Variants in CHST15 observed in about 807,000 individuals in gnomAD.
CHST15 encodes carbohydrate sulfotransferase 15.
Under a neutral mutation model 53.6 loss-of-function variants are expected in CHST15, and 30 were observed. The ratio of observed to expected loss-of-function variants is 0.56; its 90% CI spans 0.42 to 0.76. The LOEUF is 0.76. Ranked by LOEUF, CHST15 falls within the 30% of genes least tolerant of loss-of-function variation. The pLI, the probability that CHST15 is intolerant of heterozygous loss-of-function variation, is 0.00. For missense variants in CHST15, 627 were observed against 740.5 expected (o/e 0.85, Z 1.78); for synonymous variants, 296 against 289.8 (o/e 1.02, Z -0.22).
rs1946928588 is a variant in CHST15 at position 124,024,734 on chromosome 10, G to C, written c.1191-3322C>G. 6.6e-6 allele frequency among the ~76,000 whole-genome samples: 1 copy of C among 152,216 alleles called. No individual in the cohort carries two copies. ...ATGGTTACTATGACCTAAATGGCTGGTCAATAAGTGCCAAAATCAGACACG... is the reference window on the plus strand; with the variant it reads ...ATGGTTACTATGACCTAAATGGCTGCTCAATAAGTGCCAAAATCAGACACG... On this transcript the variant is annotated intron_variant, in intron 5 of 7. Transcript: ENST00000435907. The surrounding 1 kb of genome is among the most constrained non-coding windows in gnomAD (Gnocchi z 4.0).
chr10:124,055,395 G>A (rs1271095716), intron 1 of CHST15, among the ~76,000 whole-genome samples: 8 of 152,058 alleles, frequency 5.3e-5, no homozygotes, highest in Non-Finnish European at 1.0e-4. Context: ...CCTGCCTCTC[G>A]GTAAATGACC....
At chr10:124,053,653 C>T (rs745960397) in intron 1 of CHST15, among the ~76,000 whole-genome samples, 7 of 151,932 alleles carry the variant, frequency 4.6e-5, no homozygotes, top group Non-Finnish European at 7.4e-5. Context: ...GGAGGCTGGG[C>T]GCAGTGGCTC....
intron 5 of CHST15, among the ~76,000 whole-genome samples, chr10:124,038,108 A>ATTTT (rs202094516): frequency 7.6e-6 from 1 of 132,316 alleles, no homozygotes; most frequent in Non-Finnish European, 1.6e-5. Context: ...TTTTTATTTT[A>ATTTT]TTTTATTTTT....
chr10:124,048,985 G>A (rs1454320373), intron 1 of CHST15, among the ~76,000 whole-genome samples: 1 of 152,118 alleles, frequency 6.6e-6, no homozygotes, highest in Non-Finnish European at 1.5e-5. Flanking sequence ...CGGGGCAGCT[G>A]CCCCCACCAA....
chr10:124,044,084 G>GCGGCACAGAGCAGGGAA (rs1433919404), intron 3 of CHST15, among the ~76,000 whole-genome samples: 4 of 143,090 alleles, frequency 2.8e-5, no homozygotes, highest in Non-Finnish European at 4.5e-5. Context: ...AGAGCAGGGA[G>GCGGCACAGAGCAGGGAA]CGGCACAGAG....
At position 124,009,887 on chromosome 10, in the gene CHST15, A is replaced by G; in HGVS notation, c.*262T>C. On this transcript the variant is annotated 3_prime_UTR_variant, in exon 8 of 8. Transcript: ENST00000435907. ...CCAGCTGGCTGCATCCCCAAGCTCCAGGACGCTCAGAGCAGAGCTGAATTC... is the reference window on the plus strand; with the variant it reads ...CCAGCTGGCTGCATCCCCAAGCTCCGGGACGCTCAGAGCAGAGCTGAATTC... 1 of 1,274,956 alleles carries G rather than the reference A, an allele frequency of 7.8e-7. No individual in the cohort carries two copies. Among genetic ancestry groups the G allele is most frequent in the African/African-American group, 1.5e-5 (1 of 65,018 alleles). The allele number at this position is 1,274,956 out of a possible 1,614,324, so 79.0% of individuals were successfully genotyped here.
rs1476129604 is a variant in CHST15 at position 124,010,945 on chromosome 10, G to T, written c.1496-606C>A. The T allele has an allele frequency of 3.0e-6, 3 of 985,316 alleles. No homozygotes were observed. In the East Asian group the frequency reaches 3.4e-4, roughly 112 times the overall value. 61.0% of individuals were successfully genotyped at this position (985,316 alleles called of 1,614,324 possible). A position where few individuals can be genotyped will look rare whatever the true frequency, so the allele number is the denominator to read the frequency against. On this transcript the variant is annotated intron_variant, in intron 7 of 7. Coordinates refer to ENST00000435907, the MANE Select transcript of CHST15 (RefSeq NM_001270764.2). ...CAGGGAGAAGAGGCCTGCCGGCAAG[G>T]GCTGTCAGTCACCCCCACGCCCCGC...
At chr10:124,044,165 CT>C (rs1349804781) in intron 3 of CHST15, among the ~76,000 whole-genome samples, 15 of 146,848 alleles carry the variant, frequency 1.0e-4, no homozygotes, top group African/African-American at 2.9e-4. Flanking sequence ...CGGCACAGAG[CT>C]TGGGAGCGGC....
chr10:124,083,658 C>T (rs1949323145), intron 1 of CHST15, among the ~76,000 whole-genome samples: 2 of 152,282 alleles, frequency 1.3e-5, no homozygotes, highest in South Asian at 4.1e-4. Flanking sequence ...CACAAAATGT[C>T]AGGCTGATAC....
chr10:124,045,112 CAAAAAAAAAAAAAAAA>C (rs758243657), intron 2 of CHST15, among the ~76,000 whole-genome samples, 193 bp from the exon 3 acceptor site: 8 of 33,794 alleles, frequency 2.4e-4, no homozygotes, highest in South Asian at 1.8e-3. Context: ...CGCCGCCCCA[CAAAAAAAAAAAAAAAA>C]AAAAAAAAAA....
At chr10:124,022,303 G>A (rs1057450143) in intron 5 of CHST15, among the ~76,000 whole-genome samples, 4 of 152,198 alleles carry the variant, frequency 2.6e-5, no homozygotes, top group Non-Finnish European at 4.4e-5. Context: ...AACTGAACTC[G>A]GAATGGGCCA....
intron 5 of CHST15, among the ~76,000 whole-genome samples, chr10:124,025,794 A>G (rs1946980967): frequency 6.6e-6 from 1 of 152,168 alleles, no homozygotes; most frequent in Non-Finnish European, 1.5e-5. Flanking sequence ...GCACCACAGA[A>G]AGACGGAGAC....
At position 124,021,186 on chromosome 10, in the gene CHST15, CATA is replaced by C. The variant is rs1214505453; in HGVS notation, c.1347+67_1347+69del. The stretch of plus-strand genomic sequence containing the variant: ...AAACGCAAACCCACAATGCCGCTTG[CATA>C]ATAACAACAAACCAGCTCCTTCTGC... On this transcript the variant is annotated intron_variant, in intron 6 of 7. Coordinates refer to ENST00000435907, the MANE Select transcript of CHST15 (RefSeq NM_001270764.2). 4.3e-6 allele frequency: 6 copies of C among 1,383,866 alleles called. No individual in the cohort carries two copies. In the African/African-American group the frequency reaches 5.1e-5, roughly 12 times the overall value. The allele number at this position is 1,383,866 out of a possible 1,614,324, so 85.7% of individuals were successfully genotyped here.
chr10:124,045,112 C>CAAAA (rs758243657), intron 2 of CHST15, among the ~76,000 whole-genome samples, 193 bp from the exon 3 acceptor site: 813 of 33,424 alleles, frequency 0.024, 39 homozygotes, highest in Non-Finnish European at 0.033. Flanking sequence ...CGCCGCCCCA[C>CAAAA]AAAAAAAAAA....
Position 124,007,715 on chromosome 10 carries a change from G to A in CHST15, c.*2434C>T. ...CGCTCCACAGGCGTCACTCTTATGG[G>A]TCCATCTTTAATTATGTTAAATATT... On this transcript the variant is annotated 3_prime_UTR_variant, in exon 8 of 8. Transcript: ENST00000435907. 1.6e-6 allele frequency: 2 copies of A among 1,226,832 alleles called. No homozygotes were observed. Among genetic ancestry groups the A allele is most frequent in the South Asian group, 4.3e-5 (1 of 23,436 alleles). 76.0% of individuals were successfully genotyped at this position (1,226,832 alleles called of 1,614,324 possible). A position where few individuals can be genotyped will look rare whatever the true frequency, so the allele number is the denominator to read the frequency against.
chr10:124,015,438 C>G (rs989153329), intron 6 of CHST15, among the ~76,000 whole-genome samples: 8 of 152,062 alleles, frequency 5.3e-5, no homozygotes, highest in African/African-American at 1.9e-4. Context: ...ACCCTTGGAG[C>G]CAGGACCTGA....
chr10:124,031,117 T>C (rs1947209428), intron 5 of CHST15, among the ~76,000 whole-genome samples: 1 of 152,232 alleles, frequency 6.6e-6, no homozygotes, highest in South Asian at 2.1e-4. Flanking sequence ...CAGGTGGTCC[T>C]GTCCAATGAT....
chr10:124,053,498 CT>C (rs373231674), intron 1 of CHST15, among the ~76,000 whole-genome samples: 80 of 145,982 alleles, frequency 5.5e-4, no homozygotes, highest in South Asian at 6.5e-4. Context: ...TTTTTCTTTT[CT>C]TTTTTTTTTT....
At chr10:124,092,155 G>C (rs1949622033) in intron 1 of CHST15, among the ~76,000 whole-genome samples, 2 of 152,138 alleles carry the variant, frequency 1.3e-5, no homozygotes, top group South Asian at 4.1e-4. Context: ...TTGCGCCACA[G>C]CCCGCCACCC....
Sources: allele counts gnomAD v4.1 joint callset (sites outside exome capture counted in the v4.1 genomes callset), GRCh38; gene constraint gnomAD v4.1.1; non-coding constraint Gnocchi (gnomAD v3.1); transcripts MANE v1.5; gene names NCBI Gene and HGNC (gene_info 2026-07-23, HGNC 2026-07-21).